The following KCNIP4 variants were observed in gnomAD, a reference collection of about 807,000 sequenced individuals.
The protein encoded by KCNIP4 is potassium voltage-gated channel interacting protein 4, also known as Kv channel-interacting protein 4.
Under a neutral mutation model 34.0 loss-of-function variants are expected in KCNIP4, and 12 were observed. That is an observed-to-expected ratio of 0.35 (90% CI 0.23 to 0.57). KCNIP4 has a LOEUF of 0.57. Ranked by LOEUF, KCNIP4 falls within the 20% of genes least tolerant of loss-of-function variation. The probability of loss-of-function intolerance (pLI) is 0.83; values close to 1 mark genes in which losing one functional copy is unlikely to be tolerated. For synonymous variants in KCNIP4, 124 were observed against 102.2 expected, an observed-to-expected ratio of 1.21 and a Z score of -1.29; for missense variants, 238 against 311.7, an observed-to-expected ratio of 0.76 and a Z score of 1.78.
chr4:21,234,692 G>C (rs1759218627), intron 1 of KCNIP4, among the ~76,000 whole-genome samples: 2 of 149,680 alleles, frequency 1.3e-5, no homozygotes, highest in Non-Finnish European at 3.0e-5. Context: ...CTGTCACCCA[G>C]GCTGGAGTAC....
At chr4:21,001,023 C>G (rs975214220) in intron 1 of KCNIP4, among the ~76,000 whole-genome samples, 2 of 152,124 alleles carry the variant, frequency 1.3e-5, no homozygotes, top group Non-Finnish European at 2.9e-5. Context: ...GTTTTTCCCA[C>G]TAGGCTCTAA....
intron 1 of KCNIP4, among the ~76,000 whole-genome samples, chr4:20,995,319 T>C (rs2149710719): frequency 6.6e-6 from 1 of 152,300 alleles, no homozygotes; most frequent in African/African-American, 2.4e-5. Context: ...AATAAAAGCA[T>C]CTATCTCACA....
At chr4:20,792,279 C>A (rs1712858275) in intron 3 of KCNIP4, among the ~76,000 whole-genome samples, 1 of 152,048 alleles carries the variant, frequency 6.6e-6, no homozygotes, top group Non-Finnish European at 1.5e-5. Flanking sequence ...GAGGCTGAGG[C>A]AGGAGAATTG....
chr4:20,815,312 G>A (rs1716241179), intron 3 of KCNIP4, among the ~76,000 whole-genome samples: 1 of 152,072 alleles, frequency 6.6e-6, no homozygotes. Context: ...CATAATTATA[G>A]AGCACAGTGG....
At chr4:20,910,124 C>A (rs535371386) in intron 1 of KCNIP4, among the ~76,000 whole-genome samples, 5 of 152,010 alleles carry the variant, frequency 3.3e-5, no homozygotes, top group Non-Finnish European at 7.4e-5. Flanking sequence ...GTATCTTTTT[C>A]GAATGTTTTG....
intron 1 of KCNIP4, among the ~76,000 whole-genome samples, chr4:21,933,418 T>C (rs2109010967): frequency 6.6e-6 from 1 of 152,240 alleles, no homozygotes; most frequent in Admixed American, 6.5e-5. Context: ...ACCTTGTTCT[T>C]GTCTATCTCT....
At chr4:21,067,024 A>G (rs1302012378) in intron 1 of KCNIP4, among the ~76,000 whole-genome samples, 1 of 152,146 alleles carries the variant, frequency 6.6e-6, no homozygotes, top group Non-Finnish European at 1.5e-5. Flanking sequence ...AGAAGGGAGA[A>G]CAAAAAGAAC....
intron 1 of KCNIP4, among the ~76,000 whole-genome samples, chr4:21,663,379 A>C (rs1156537247): frequency 6.6e-6 from 1 of 152,154 alleles, no homozygotes; most frequent in Admixed American, 6.5e-5. Context: ...CCTGTCCACA[A>C]GGGTAGCTTG....
chr4:20,805,770 T>C (rs1211521361), intron 3 of KCNIP4, among the ~76,000 whole-genome samples: 1 of 152,156 alleles, frequency 6.6e-6, no homozygotes, highest in Non-Finnish European at 1.5e-5. Context: ...ATTGCTTAAA[T>C]CTTTCTTTCC....
rs12640448 is a variant in KCNIP4, at chr4:20,729,709, T to C, written c.*373A>G. The C allele has an allele frequency of 0.2, 34,364 of 167,688 alleles. 3,607 individuals carry two copies. The highest frequency in any genetic ancestry group is 0.22 in the Non-Finnish European group (17,720 of 78,764). The allele number at this position is 167,688 out of a possible 1,614,324, so 10.4% of individuals were successfully genotyped here. Reference sequence around the variant, plus strand: ...CACTATATTAGAAAACCATTCAAAATCCTAGGACTGAATACATACAAATGA... The same window carrying C: ...CACTATATTAGAAAACCATTCAAAACCCTAGGACTGAATACATACAAATGA... On this transcript the variant is annotated 3_prime_UTR_variant, in exon 9 of 9. Coordinates refer to ENST00000382152, the MANE Select transcript of KCNIP4 (RefSeq NM_025221.6).
At chr4:21,246,217 C>T (rs1358021390) in intron 1 of KCNIP4, among the ~76,000 whole-genome samples, 1 of 152,144 alleles carries the variant, frequency 6.6e-6, no homozygotes, top group Non-Finnish European at 1.5e-5. Flanking sequence ...CCTTTCCCTA[C>T]ACACAGGTGG....
At chr4:21,915,773 T>C (rs1041697600) in intron 1 of KCNIP4, among the ~76,000 whole-genome samples, 5 of 152,252 alleles carry the variant, frequency 3.3e-5, no homozygotes, top group Admixed American at 2.6e-4. Flanking sequence ...CTGTAGCTTG[T>C]TAATGTCAGG....
intron 1 of KCNIP4, among the ~76,000 whole-genome samples, chr4:20,997,367 C>T (rs936260590): frequency 2.6e-5 from 4 of 152,092 alleles, no homozygotes; most frequent in Non-Finnish European, 4.4e-5. Context: ...AGCATGGTAG[C>T]GTATGTGAAG....
chr4:20,970,733 T>G (rs988081988), intron 1 of KCNIP4, among the ~76,000 whole-genome samples: 2 of 152,208 alleles, frequency 1.3e-5, no homozygotes, highest in African/African-American at 4.8e-5. Context: ...AAACAAAATG[T>G]TTAAAAATTA....
intron 1 of KCNIP4, among the ~76,000 whole-genome samples, chr4:21,866,385 T>C (rs1191997518): frequency 6.6e-6 from 1 of 152,200 alleles, no homozygotes; most frequent in African/African-American, 2.4e-5. Flanking sequence ...TCCACTACCA[T>C]AAATAAACCT....
chr4:21,240,367 A>T (rs1474653802), intron 1 of KCNIP4, among the ~76,000 whole-genome samples: 1 of 151,892 alleles, frequency 6.6e-6, no homozygotes, highest in Non-Finnish European at 1.5e-5. Flanking sequence ...CTAAAACTTA[A>T]AGTATAATAA....
intron 1 of KCNIP4, among the ~76,000 whole-genome samples, chr4:21,667,543 G>C (rs746778576): frequency 2.3e-4 from 35 of 152,260 alleles, no homozygotes; most frequent in Non-Finnish European, 4.1e-4. Context: ...CACTCAAACA[G>C]TTTGTCCAGA....
intron 1 of KCNIP4, among the ~76,000 whole-genome samples, chr4:21,420,169 T>C (rs1255420032): frequency 1.3e-5 from 2 of 152,186 alleles, no homozygotes; most frequent in African/African-American, 4.8e-5. Flanking sequence ...CATATCAAAA[T>C]ATTAGCATTA....
At chr4:20,928,493 C>T (rs1039401034) in intron 1 of KCNIP4, among the ~76,000 whole-genome samples, 1 of 151,444 alleles carries the variant, frequency 6.6e-6, no homozygotes, top group Non-Finnish European at 1.5e-5. Flanking sequence ...AGGTTTATAA[C>T]AATAAATGCC....
Sources: allele counts gnomAD v4.1 joint callset (sites outside exome capture counted in the v4.1 genomes callset), GRCh38; gene constraint gnomAD v4.1.1; transcripts MANE v1.5; gene names NCBI Gene and HGNC (gene_info 2026-07-23, HGNC 2026-07-21).